L3MBTL2: variants seen among roughly 807,000 people sequenced by gnomAD.
L3MBTL2 encodes L3MBTL histone methyl-lysine binding protein 2, also known as lethal(3)malignant brain tumor-like protein 2.
A neutral mutation model predicts 86.4 loss-of-function variants in L3MBTL2; 49 were observed. The observed-to-expected ratio is 0.57, with a 90% CI of 0.45 to 0.72. The LOEUF (loss-of-function observed/expected upper bound fraction) is 0.72. Ranked by LOEUF, L3MBTL2 falls within the 30% of genes least tolerant of loss-of-function variation. The pLI is 0.00. For synonymous variants in L3MBTL2, 336 were observed against 350.6 expected, an observed-to-expected ratio of 0.96 and a Z score of 0.47; for missense variants, 755 against 923.7, an observed-to-expected ratio of 0.82 and a Z score of 2.37.
At chr22:41,216,911 C>T in intron 4 of L3MBTL2, 1 of 503,258 alleles carries the variant, frequency 2.0e-6, no homozygotes, top group Non-Finnish European at 3.5e-6. Flanking sequence ...GAGAGTCTTG[C>T]CACCTTTCAA....
chr22:41,205,471 C>A, intron 1 of L3MBTL2, 85 bp downstream of exon 1: 2 of 1,488,170 alleles, frequency 1.3e-6, no homozygotes, highest in Non-Finnish European at 9.4e-7. Context: ...CTTTTAGCGA[C>A]GCCTGGAGGG....
In L3MBTL2 at chr22:41,225,104, T is replaced by G; in HGVS notation, c.1356+33T>G. 6.4e-7 allele frequency: 1 copy of G among 1,572,700 alleles called. No homozygotes were observed. Among genetic ancestry groups the G allele is most frequent in the Non-Finnish European group, 8.7e-7 (1 of 1,148,462 alleles). ...AGGGGCCGGCTCTCCAGCCTCCAGATTTCTGAGCGGGGGGACCCATGTGGC... is the reference window on the plus strand; with the variant it reads ...AGGGGCCGGCTCTCCAGCCTCCAGAGTTCTGAGCGGGGGGACCCATGTGGC... On this transcript the variant is annotated intron_variant, in intron 11 of 16. Transcript: ENST00000216237. This position sits in a 1 kb window ranked among gnomAD's most constrained non-coding sequence, Gnocchi z 4.1.
chr22:41,214,884 G>A (rs1176666013), intron 3 of L3MBTL2, among the ~76,000 whole-genome samples: 2 of 152,148 alleles, frequency 1.3e-5, no homozygotes, highest in African/African-American at 2.4e-5. Context: ...GGTGTTGTAC[G>A]CCTGTAGTCC....
Position 41,209,854 on chromosome 22 carries a change from A to AG in L3MBTL2, c.187dup (p.Glu63GlyfsTer24). 1.2e-6 allele frequency: 2 copies of AG among 1,614,198 alleles called. No individual in the cohort carries two copies. The highest frequency in any genetic ancestry group is 8.5e-7 in the Non-Finnish European group (1 of 1,180,038). On this transcript the variant is annotated frameshift_variant, in exon 2 of 17. Coordinates refer to ENST00000216237, the MANE Select transcript of L3MBTL2 (RefSeq NM_031488.5). LOFTEE classifies it high-confidence loss of function. Reference sequence around the variant, plus strand: ...AAGCAGAAAATGAGGATCGGGAAGCAGGGGAACTGCCGACCTCCCCGCTGC... The same window carrying AG: ...AAGCAGAAAATGAGGATCGGGAAGCAGGGGGAACTGCCGACCTCCCCGCTGC...
At chr22:41,205,544 C>G (rs1267892033) in intron 1 of L3MBTL2, among the ~76,000 whole-genome samples, 158 bp downstream of exon 1, 1 of 152,136 alleles carries the variant, frequency 6.6e-6, no homozygotes, top group Non-Finnish European at 1.5e-5. Context: ...AGGCAATTGA[C>G]GTTACTTTTT....
intron 1 of L3MBTL2, among the ~76,000 whole-genome samples, chr22:41,206,741 G>A (rs1206058614): frequency 5.9e-5 from 9 of 151,876 alleles, no homozygotes; most frequent in Non-Finnish European, 1.2e-4. Flanking sequence ...GGAGCTTGCA[G>A]TGAGCCGAGA....
intron 1 of L3MBTL2, 60 bp downstream of exon 1, chr22:41,205,446 G>T: frequency 6.2e-7 from 1 of 1,602,262 alleles, no homozygotes; most frequent in Non-Finnish European, 8.6e-7. Context: ...TCGCTCCGTG[G>T]GCCCTTCTTT....
rs149393784 is a variant in L3MBTL2, at chr22:41,224,659, G to A, written c.1175-66G>A. On this transcript the variant is annotated intron_variant, in intron 9 of 16. Coordinates refer to ENST00000216237, the MANE Select transcript of L3MBTL2 (RefSeq NM_031488.5). The surrounding 1 kb of genome is among the most constrained non-coding windows in gnomAD (Gnocchi z 4.9). ...CCCCACATTCCCAGGGGAGGCGTGT[G>A]GAGATGGCCCAGGAGCCGCCTCCAA... The A allele has an allele frequency of 6.6e-6, 8 of 1,212,484 alleles. No individual in the cohort carries two copies. The African/African-American group carries it at 1.0e-4, about 16-fold the overall frequency. The allele number at this position is 1,212,484 out of a possible 1,614,324, so 75.1% of individuals were successfully genotyped here.
intron 5 of L3MBTL2, 43 bp downstream of exon 5, chr22:41,217,245 C>T: frequency 1.3e-6 from 2 of 1,484,520 alleles, no homozygotes; most frequent in Non-Finnish European, 1.9e-6. Flanking sequence ...GGGAGCCGGG[C>T]CTGGAGCTGC....
chr22:41,226,822 T>C, intron 13 of L3MBTL2, 78 bp downstream of exon 13: 1 of 1,053,216 alleles, frequency 9.5e-7, no homozygotes, highest in Middle Eastern at 2.6e-4. Flanking sequence ...GTGGTGGCAG[T>C]TCCTACTCTT....
rs749010907 is a variant in L3MBTL2, at chr22:41,213,931, G to A, written c.301G>A (p.Ala101Thr). The change falls in exon 3 of 17, where the codon GCC becomes ACC. Residue 101 changes from alanine to threonine, a missense_variant. Around this residue, in one of 3 missense-constraint regions of L3MBTL2, gnomAD observed 18 missense variants for 69.7 expected, o/e 0.26. Transcript: ENST00000216237. ...EMCGIVGTRE[A>T]FFSKTKRFCS... ...GTGTGGTATCGTGGGTACAAGGGAA[G>A]CCTTCTTCTCCAAGACCAAGAGGTT... 6 of 1,614,138 alleles carry A rather than the reference G, an allele frequency of 3.7e-6. No homozygotes were observed. In the South Asian group the frequency reaches 6.6e-5, roughly 18 times the overall value.
intron 3 of L3MBTL2, 24 bp from the exon 4 acceptor site, chr22:41,216,114 AC>A (rs2031339649): frequency 6.2e-7 from 1 of 1,602,714 alleles, no homozygotes; most frequent in Non-Finnish European, 8.5e-7. Flanking sequence ...GCCAGGCTAC[AC>A]ATAGCCTCTG....
At chr22:41,221,155 G>A (rs1487095507) in intron 7 of L3MBTL2, 44 bp from the exon 8 acceptor site, 17 of 1,313,756 alleles carry the variant, frequency 1.3e-5, no homozygotes, top group Non-Finnish European at 1.6e-5. Flanking sequence ...GTCAGTGGAG[G>A]TTTGTCAGTC....
intron 1 of L3MBTL2, chr22:41,206,182 C>T (rs1427284046): frequency 1.3e-5 from 2 of 152,062 alleles, no homozygotes; most frequent in Non-Finnish European, 2.9e-5. Context: ...GAGGTTTTGC[C>T]ATGTTGGTCG....
In L3MBTL2 at chr22:41,224,976, G is replaced by T; in HGVS notation, c.1261G>T (p.Val421Phe). 1 of 1,613,774 alleles carries T rather than the reference G, an allele frequency of 6.2e-7. No homozygotes were observed. The highest frequency in any genetic ancestry group is 8.5e-7 in the Non-Finnish European group (1 of 1,179,816). Residue 421 changes from valine (V) to phenylalanine (F), a missense_variant, in exon 11 of 17, where the codon GTC becomes TTC. Coordinates refer to ENST00000216237, the MANE Select transcript of L3MBTL2 (RefSeq NM_031488.5). The surrounding 1 kb of genome is among the most constrained non-coding windows in gnomAD (Gnocchi z 4.9). ...GTCCCATTCCTTTAAGGTACGAGCA[G>T]TCTACACAGAAGGCGGTTGGTTTGA... ...VPYLFKKVRA[V>F]YTEGGWFEEG... is the part of the protein sequence containing the mutation.
At chr22:41,216,407 C>G (rs181638548) in intron 4 of L3MBTL2, 145 bp downstream of exon 4, 134 of 932,776 alleles carry the variant, frequency 1.4e-4, no homozygotes, top group Non-Finnish European at 1.9e-5. Flanking sequence ...ATTGCATCTT[C>G]CTCACCTGTT....
At chr22:41,216,347 A>C in intron 4 of L3MBTL2, 85 bp downstream of exon 4, 11 of 1,528,370 alleles carry the variant, frequency 7.2e-6, no homozygotes, top group Non-Finnish European at 9.8e-6. Context: ...AGGAATGAAG[A>C]CTGGGCAAAC....
intron 5 of L3MBTL2, chr22:41,218,379 G>A (rs1005806311): frequency 6.6e-6 from 1 of 152,176 alleles, no homozygotes; most frequent in African/African-American, 2.4e-5. Flanking sequence ...TGGAAGTGGT[G>A]GCAGGCACCT....
chr22:41,224,970 C>G lies in L3MBTL2; in HGVS notation c.1255C>G (p.Arg419Gly), dbSNP rs770374429. Reference sequence around the variant, plus strand: ...CCAGCTGTCCCATTCCTTTAAGGTACGAGCAGTCTACACAGAAGGCGGTTG... The same window carrying G: ...CCAGCTGTCCCATTCCTTTAAGGTAGGAGCAGTCTACACAGAAGGCGGTTG... ...DAVPYLFKKV[R>G]AVYTEGGWFE... is the part of the protein sequence containing the mutation. Residue 419 changes from arginine (R) to glycine (G), a missense_variant, in exon 11 of 17, where the codon CGA (arginine) becomes GGA (glycine). By Grantham distance (125) the Arg-to-Gly change is moderately radical. Around this residue, in one of 3 missense-constraint regions of L3MBTL2, gnomAD observed 634 missense variants for 748.9 expected, o/e 0.85. Coordinates refer to ENST00000216237, the MANE Select transcript of L3MBTL2 (RefSeq NM_031488.5). This position sits in a 1 kb window ranked among gnomAD's most constrained non-coding sequence, Gnocchi z 4.9. The G allele has an allele frequency of 6.2e-7, 1 of 1,613,052 alleles. No individual in the cohort carries two copies. The highest frequency in any genetic ancestry group is 8.5e-7 in the Non-Finnish European group (1 of 1,179,338).
Sources: gnomAD v4.1 joint callset for allele counts (sites outside exome capture counted in the v4.1 genomes callset) on GRCh38, gnomAD v4.1.1 for gene constraint, gnomAD v4.1.1 regional missense constraint, Gnocchi (gnomAD v3.1) non-coding constraint, MANE v1.5 for transcripts, NCBI Gene and HGNC (gene_info 2026-07-23, HGNC 2026-07-21) for gene names.